SLC25A33: variants seen among roughly 807,000 people sequenced by gnomAD.
SLC25A33 encodes the protein solute carrier family 25 member 33, also known as bone marrow stromal cell mitochondrial carrier protein.
In SLC25A33, 15 loss-of-function variants were observed where a neutral mutation model predicts 35.5. The ratio of observed to expected loss-of-function variants is 0.42; its 90% CI spans 0.28 to 0.65. The LOEUF (loss-of-function observed/expected upper bound fraction) is 0.65. Among genes scored for constraint, SLC25A33 ranks in the 30% least tolerant of loss-of-function variants. The pLI, the probability that SLC25A33 is intolerant of heterozygous loss-of-function variation, is 0.20. For missense variants in SLC25A33, 257 were observed against 398.5 expected (o/e 0.64, Z 3.02); for synonymous variants, 136 against 148.7 (o/e 0.91, Z 0.62).
At chr1:9,558,605 A>G (rs997293242) in intron 2 of SLC25A33, among the ~76,000 whole-genome samples, 1 of 152,190 alleles carries the variant, frequency 6.6e-6, no homozygotes, top group African/African-American at 2.4e-5. Flanking sequence ...AGGCAGCTCC[A>G]TCTTTCCAGC....
At chr1:9,571,973 T>C (rs1233897300) in intron 4 of SLC25A33, among the ~76,000 whole-genome samples, 2 of 152,180 alleles carry the variant, frequency 1.3e-5, no homozygotes, top group African/African-American at 4.8e-5. Flanking sequence ...TAAATTGGCA[T>C]TTTACGAAAA....
In SLC25A33 at chr1:9,582,401, G is replaced by A. The variant is rs1293291286; in HGVS notation, c.866G>A (p.Arg289Lys). ...FREEGYLAFYRGLFAQLIRQI... is the reference protein window; with the variant it reads ...FREEGYLAFYKGLFAQLIRQI... ...GAAGAAGGCTACCTTGCCTTTTATA[G>A]AGGACTGTTTGCCCAGCTTATCCGG... is the stretch of plus-strand genomic sequence containing the variant. The change falls in exon 7 of 7, where the codon AGA (arginine) becomes AAA (lysine). Residue 289 changes from arginine (R) to lysine (K), a missense_variant. Coordinates refer to ENST00000302692, the MANE Select transcript of SLC25A33 (RefSeq NM_032315.3). The surrounding 1 kb of genome is among the most constrained non-coding windows in gnomAD (Gnocchi z 4.0). The A allele has an allele frequency of 6.2e-7, 1 of 1,614,030 alleles. No individual in the cohort carries two copies. The highest frequency in any genetic ancestry group is 1.7e-5 in the Admixed American group (1 of 60,024).
At chr1:9,558,150 T>C (rs1643372021) in intron 2 of SLC25A33, among the ~76,000 whole-genome samples, 1 of 152,202 alleles carries the variant, frequency 6.6e-6, no homozygotes, top group South Asian at 2.1e-4. Context: ...TCAATGTATA[T>C]CCACCTTGCT....
chr1:9,556,693 GTGTGTGTCTGTGTGTGTGTC>G (rs1643348344), intron 2 of SLC25A33, among the ~76,000 whole-genome samples: 2 of 151,718 alleles, frequency 1.3e-5, no homozygotes, highest in Non-Finnish European at 2.9e-5. Context: ...GTGTGTGTGT[GTGTGTGTCTGTGTGTGTGTC>G]TGTGTGTCTG....
At chr1:9,573,479 C>T (rs534452237) in intron 5 of SLC25A33, 67 bp downstream of exon 5, 2 of 1,274,846 alleles carry the variant, frequency 1.6e-6, no homozygotes, top group African/African-American at 1.5e-5. Flanking sequence ...GCCCCAATTC[C>T]TCCACATCTC....
At chr1:9,581,047 CT>C (rs1643739271) in intron 6 of SLC25A33, among the ~76,000 whole-genome samples, 1 of 152,154 alleles carries the variant, frequency 6.6e-6, no homozygotes, top group Non-Finnish European at 1.5e-5. Context: ...CATAAGCCTT[CT>C]GTACTGTCAG....
At chr1:9,547,427 A>C (rs142487345) in intron 1 of SLC25A33, among the ~76,000 whole-genome samples, 282 of 152,196 alleles carry the variant, frequency 1.9e-3, no homozygotes, top group African/African-American at 6.6e-3. Context: ...CTGGGCAACA[A>C]GAGCAAAACT....
intron 2 of SLC25A33, among the ~76,000 whole-genome samples, chr1:9,554,606 G>C (rs147353325): frequency 0.011 from 1,645 of 149,052 alleles, 32 homozygotes; most frequent in African/African-American, 0.039. Flanking sequence ...TGATCCGCCT[G>C]CCTCAGCCTC....
At chr1:9,552,806 A>G (rs759800263) in intron 1 of SLC25A33, among the ~76,000 whole-genome samples, 36 of 151,978 alleles carry the variant, frequency 2.4e-4, no homozygotes, top group Non-Finnish European at 3.2e-4. Flanking sequence ...CACTCAGAAT[A>G]CCTAGATACT....
At chr1:9,541,158 C>A (rs1459670999) in intron 1 of SLC25A33, among the ~76,000 whole-genome samples, 1 of 133,084 alleles carries the variant, frequency 7.5e-6, no homozygotes, top group Non-Finnish European at 1.6e-5. Flanking sequence ...TTTTTTTTTT[C>A]TTTTTTTTTT....
chr1:9,539,889 C>A, intron 1 of SLC25A33, 142 bp downstream of exon 1: 4 of 731,594 alleles, frequency 5.5e-6, no homozygotes, highest in Non-Finnish European at 7.4e-6. Flanking sequence ...GAAGTCCCGG[C>A]GTCGGGGACT....
At chr1:9,560,919 G>A (rs1643414691) in intron 2 of SLC25A33, among the ~76,000 whole-genome samples, 1 of 149,870 alleles carries the variant, frequency 6.7e-6, no homozygotes, top group African/African-American at 2.5e-5. Flanking sequence ...TTCCAGCAAA[G>A]TTCTTACTAT....
At chr1:9,546,726 A>ACTTCT (rs1643177191) in intron 1 of SLC25A33, among the ~76,000 whole-genome samples, 2 of 152,148 alleles carry the variant, frequency 1.3e-5, no homozygotes, top group Admixed American at 1.3e-4. Context: ...AAGTAATAGA[A>ACTTCT]GATTCAACTT....
chr1:9,557,413 G>T (rs961277659), intron 2 of SLC25A33, among the ~76,000 whole-genome samples: 3 of 152,034 alleles, frequency 2.0e-5, no homozygotes, highest in African/African-American at 7.2e-5. Context: ...AAAATTCTGG[G>T]CTGGGCACGG....
At chr1:9,545,326 G>A (rs1569840512) in intron 1 of SLC25A33, among the ~76,000 whole-genome samples, 1 of 151,682 alleles carries the variant, frequency 6.6e-6, no homozygotes, top group South Asian at 2.1e-4. Flanking sequence ...AGTGATTCTA[G>A]GGGAGCGTAT....
chr1:9,552,872 G>A (rs1206763176), intron 1 of SLC25A33, among the ~76,000 whole-genome samples: 6 of 151,168 alleles, frequency 4.0e-5, no homozygotes, highest in East Asian at 1.9e-4. Flanking sequence ...ATGTGCTAAC[G>A]TGGGAATAGT....
chr1:9,560,572 AGTT>A lies in SLC25A33; in HGVS notation c.237-6709_237-6707del, dbSNP rs1174942927. Among the ~76,000 whole-genome samples, 7 of 152,294 alleles carry A rather than the reference AGTT, an allele frequency of 4.6e-5. No homozygotes were observed. The Middle Eastern group carries it at 0.014, about 296-fold the overall frequency. On this transcript the variant is annotated intron_variant, in intron 2 of 6. Coordinates refer to ENST00000302692, the MANE Select transcript of SLC25A33 (RefSeq NM_032315.3). ...GAGCAAGACTCCATCTCAAAAAAAA[AGTT>A]GTCTGCTTATTAATAGTCTTACTCA...
rs1413377581 is a variant in SLC25A33 at position 9,539,652 on chromosome 1, T to C, written c.-40T>C. ...GCATCCCTCGAGCCGCCACGCGCTC[T>C]CGCCACCGGGCGGCGACGGGCCGCG... On this transcript the variant is annotated 5_prime_UTR_variant, in exon 1 of 7. Coordinates refer to ENST00000302692, the MANE Select transcript of SLC25A33 (RefSeq NM_032315.3). 11 of 1,330,738 alleles carry C rather than the reference T, an allele frequency of 8.3e-6. No homozygotes were observed. The highest frequency in any genetic ancestry group is 3.8e-6 in the Non-Finnish European group (4 of 1,043,284). The allele number at this position is 1,330,738 out of a possible 1,614,324, so 82.4% of individuals were successfully genotyped here.
At chr1:9,548,916 A>G (rs928927019) in intron 1 of SLC25A33, among the ~76,000 whole-genome samples, 2 of 152,174 alleles carry the variant, frequency 1.3e-5, no homozygotes, top group Non-Finnish European at 1.5e-5. Flanking sequence ...CAGACTGTCT[A>G]TGAGAGAAGA....
Sources: allele counts gnomAD v4.1 joint callset (sites outside exome capture counted in the v4.1 genomes callset), GRCh38; gene constraint gnomAD v4.1.1; non-coding constraint Gnocchi (gnomAD v3.1); transcripts MANE v1.5; gene names NCBI Gene and HGNC (gene_info 2026-07-23, HGNC 2026-07-21).